HMGXB4: variants seen among roughly 807,000 people sequenced by gnomAD.
HMGXB4 encodes HMG domain-containing protein 4.
A neutral mutation model predicts 63.9 loss-of-function variants in HMGXB4; 27 were observed. The ratio of observed to expected loss-of-function variants is 0.42; its 90% CI spans 0.31 to 0.58. HMGXB4 has a LOEUF of 0.58. Ranked by LOEUF, HMGXB4 falls within the 20% of genes least tolerant of loss-of-function variation. The pLI, the probability that HMGXB4 is intolerant of heterozygous loss-of-function variation, is 0.13. For missense variants in HMGXB4, 624 were observed against 700.7 expected, an observed-to-expected ratio of 0.89 and a Z score of 1.24; for synonymous variants, 264 against 265.3, an observed-to-expected ratio of 0.99 and a Z score of 0.05.
the HMGXB4 span, among the ~76,000 whole-genome samples, chr22:35,242,804 T>C: frequency 1.3e-5 from 2 of 152,188 alleles, no homozygotes; most frequent in East Asian, 1.9e-4. Context: ...CCCATAAATT[T>C]TGATATGTTG....
chr22:35,242,186 C>T, the HMGXB4 span, among the ~76,000 whole-genome samples: 93,003 of 152,054 alleles, frequency 0.61, 30,247 homozygotes, highest in Non-Finnish European at 0.72. Context: ...GGCATGGAGA[C>T]TTAATTTTTG....
intron 5 of HMGXB4, among the ~76,000 whole-genome samples, chr22:35,271,785 A>G (rs1225174290): frequency 2.6e-5 from 4 of 152,326 alleles, no homozygotes; most frequent in African/African-American, 9.6e-5. Context: ...CTTACGAACT[A>G]CTAGTTCAAA....
At chr22:35,252,831 A>G (rs5755673), upstream of HMGXB4, among the ~76,000 whole-genome samples, 95,969 of 151,974 alleles carry the variant, frequency 0.63, 31,416 homozygotes, top group Non-Finnish European at 0.73. Flanking sequence ...GAGAAACCCC[A>G]TCTCTACTAA....
chr22:35,291,250 A>C (rs1296835442), intron 9 of HMGXB4, among the ~76,000 whole-genome samples: 1 of 152,164 alleles, frequency 6.6e-6, no homozygotes, highest in East Asian at 1.9e-4. Flanking sequence ...TGGGCAACAG[A>C]GTGAGACCCT....
chr22:35,293,004 G>A lies in HMGXB4; in HGVS notation c.1651G>A (p.Val551Met). Residue 551 changes from valine (V) to methionine (M), a missense_variant, in exon 10 of 11, where the codon GTG becomes ATG. Physicochemically the swap from Val to Met is conservative, Grantham distance 21 (BLOSUM62 1). Coordinates refer to ENST00000216106, the MANE Select transcript of HMGXB4 (RefSeq NM_001003681.3). ...RLQETEGMVA[V>M]SGSLSVLLDS... ...CTCTCCTTTTCAGGGTATGGTGGCTGTGTCTGGCAGTTTGTCAGTGCTTCT... is the reference window on the plus strand; with the variant it reads ...CTCTCCTTTTCAGGGTATGGTGGCTATGTCTGGCAGTTTGTCAGTGCTTCT... The A allele has an allele frequency of 6.2e-7, 1 of 1,614,266 alleles. No homozygotes were observed. Among genetic ancestry groups the A allele is most frequent in the Non-Finnish European group, 8.5e-7 (1 of 1,180,048 alleles).
intron 5 of HMGXB4, among the ~76,000 whole-genome samples, chr22:35,278,646 T>A (rs1924048061): frequency 7.4e-6 from 1 of 134,268 alleles, no homozygotes; most frequent in Non-Finnish European, 1.7e-5. Flanking sequence ...TATGTATTTT[T>A]TTTTAATATT....
the HMGXB4 span, among the ~76,000 whole-genome samples, chr22:35,248,586 G>T: frequency 6.6e-6 from 1 of 151,852 alleles, no homozygotes; most frequent in Non-Finnish European, 1.5e-5. Flanking sequence ...TCATATTTTA[G>T]TAGAGACAGG....
chr22:35,271,401 TAAAAATA>T (rs1431172152), intron 5 of HMGXB4, among the ~76,000 whole-genome samples: 1 of 152,086 alleles, frequency 6.6e-6, no homozygotes, highest in Non-Finnish European at 1.5e-5. Flanking sequence ...AGGACTCTAA[TAAAAATA>T]GAGAAGGTGA....
At chr22:35,251,078 GTTT>G in the HMGXB4 span, among the ~76,000 whole-genome samples, 30 of 145,164 alleles carry the variant, frequency 2.1e-4, no homozygotes, top group Non-Finnish European at 2.9e-4. Flanking sequence ...CTTTCTTTCT[GTTT>G]TTTTTTTTTT....
upstream of HMGXB4, among the ~76,000 whole-genome samples, chr22:35,253,144 A>AAAAATAAG (rs1555886256): frequency 8.0e-6 from 1 of 125,316 alleles, no homozygotes; most frequent in Non-Finnish European, 1.7e-5. Flanking sequence ...AAAAAAAAAA[A>AAAAATAAG]AAAAAAGAAA....
Position 35,288,273 on chromosome 22 carries a change from T to A in HMGXB4, c.1504T>A (p.Ser502Thr). ...AGGAGTACTGTCACCCCAGAAGAAG[T>A]CCCCACCCACCACCATGCTGTTACC... is the stretch of plus-strand genomic sequence containing the variant. ...SVGVLSPQKKSPPTTMLLPAS... is the reference protein window; with the variant it reads ...SVGVLSPQKKTPPTTMLLPAS... The change falls in exon 9 of 11, where the codon TCC (serine) becomes ACC (threonine). Residue 502 changes from serine (S) to threonine (T), a missense_variant. Physicochemically the swap from Ser to Thr is moderately conservative, Grantham distance 58. Coordinates refer to ENST00000216106, the MANE Select transcript of HMGXB4 (RefSeq NM_001003681.3). 5 of 1,600,286 alleles carry A rather than the reference T, an allele frequency of 3.1e-6. No individual in the cohort carries two copies. The highest frequency in any genetic ancestry group is 4.3e-6 in the Non-Finnish European group (5 of 1,173,080).
intron 5 of HMGXB4, among the ~76,000 whole-genome samples, chr22:35,266,043 C>A (rs1923228074): frequency 6.6e-6 from 1 of 151,924 alleles, no homozygotes; most frequent in East Asian, 1.9e-4. Flanking sequence ...CCCACCTCAG[C>A]CTCCCAAAGT....
chr22:35,262,813 C>T (rs1568994927), intron 2 of HMGXB4: 8 of 529,342 alleles, frequency 1.5e-5, no homozygotes, highest in East Asian at 6.7e-5. Context: ...TACCAAATCA[C>T]AACTCAGAAA....
the HMGXB4 span, among the ~76,000 whole-genome samples, chr22:35,242,186 CTT>C: frequency 1.3e-5 from 2 of 151,992 alleles, no homozygotes; most frequent in African/African-American, 4.8e-5. Context: ...GGCATGGAGA[CTT>C]AATTTTTGAG....
At chr22:35,266,347 G>A (rs1257175895) in intron 5 of HMGXB4, among the ~76,000 whole-genome samples, 3 of 152,222 alleles carry the variant, frequency 2.0e-5, no homozygotes, top group African/African-American at 4.8e-5. Flanking sequence ...ACCAGCTGGT[G>A]TTGGCTACTT....
intron 1 of HMGXB4, 29 bp downstream of exon 1, chr22:35,257,586 CGGG>C (rs1922501961): frequency 6.6e-6 from 1 of 152,508 alleles, no homozygotes; most frequent in Non-Finnish European, 1.5e-5. Flanking sequence ...CCCAGGAGAC[CGGG>C]CTGGGCCCCC....
the HMGXB4 span, among the ~76,000 whole-genome samples, chr22:35,248,260 G>A: frequency 6.6e-6 from 1 of 152,154 alleles, no homozygotes; most frequent in Admixed American, 6.5e-5. Flanking sequence ...AAGAAAGGAG[G>A]TTTAATTGGC....
chr22:35,263,836 A>G lies in HMGXB4; in HGVS notation c.221A>G (p.Lys74Arg), dbSNP rs1472684220. ...TTCTTGGGGACGGACACACACAAGA[A>G]GAAGAGGAAGCACTCCTCTGATGAT... ...LYFLGTDTHKKKRKHSSDDYY... is the reference protein window; with the variant it reads ...LYFLGTDTHKRKRKHSSDDYY... Residue 74 changes from lysine (K) to arginine (R), a missense_variant, in exon 4 of 11, where the codon AAG becomes AGG. By Grantham distance (26) the Lys-to-Arg change is conservative (BLOSUM62 2). Coordinates refer to ENST00000216106, the MANE Select transcript of HMGXB4 (RefSeq NM_001003681.3). 1.2e-6 allele frequency: 2 copies of G among 1,613,794 alleles called. No homozygotes were observed. The highest frequency in any genetic ancestry group is 1.1e-5 in the South Asian group (1 of 91,068).
At chr22:35,253,608 C>CAT (rs1922279466), upstream of HMGXB4, among the ~76,000 whole-genome samples, 1 of 151,700 alleles carries the variant, frequency 6.6e-6, no homozygotes, top group Non-Finnish European at 1.5e-5. Flanking sequence ...TGTGCGCGCG[C>CAT]GCGCGCGCGT....
Sources: allele counts gnomAD v4.1 joint callset (sites outside exome capture counted in the v4.1 genomes callset), GRCh38; gene constraint gnomAD v4.1.1; transcripts MANE v1.5; gene names NCBI Gene and HGNC (gene_info 2026-07-23, HGNC 2026-07-21).